Variants in PCSK5 observed in about 807,000 individuals in gnomAD.
PCSK5 encodes prohormone convertase 5.
PCSK5 carries 129 observed loss-of-function variants against 233.2 expected under a neutral mutation model. The ratio of observed to expected loss-of-function variants is 0.55; its 90% CI spans 0.48 to 0.64. The LOEUF (loss-of-function observed/expected upper bound fraction) is 0.64, where lower values mean the gene tolerates loss of function less well. Among genes scored for constraint, PCSK5 ranks in the 30% least tolerant of loss-of-function variants. The pLI, the probability that PCSK5 is intolerant of heterozygous loss-of-function variation, is 0.00. For synonymous variants in PCSK5, 825 were observed against 879.2 expected (o/e 0.94, Z 1.09); for missense variants, 2,076 against 2,430.1 (o/e 0.85, Z 3.06).
chr9:76,225,065 C>T (rs1288689529), intron 20 of PCSK5, among the ~76,000 whole-genome samples: 1 of 152,212 alleles, frequency 6.6e-6, no homozygotes, highest in East Asian at 1.9e-4. Flanking sequence ...CCTACAGGCA[C>T]TGATGTCAAG....
chr9:75,984,235 T>A (rs72733276), intron 2 of PCSK5, among the ~76,000 whole-genome samples: 5,926 of 152,334 alleles, frequency 0.039, 169 homozygotes, highest in Non-Finnish European at 0.055. Flanking sequence ...ATTTGTCTAT[T>A]TGAATGTATG....
At chr9:75,984,639 A>G (rs1237214279) in intron 2 of PCSK5, among the ~76,000 whole-genome samples, 1 of 152,196 alleles carries the variant, frequency 6.6e-6, no homozygotes, top group Non-Finnish European at 1.5e-5. Context: ...ATGGAGGTAA[A>G]GATATTTTTA....
intron 3 of PCSK5, among the ~76,000 whole-genome samples, chr9:75,990,853 T>C (rs1367899379): frequency 6.6e-6 from 1 of 152,170 alleles, no homozygotes; most frequent in Non-Finnish European, 1.5e-5. Context: ...TTCCTTTAGT[T>C]TTTGATGTGG....
chr9:75,999,404 C>G (rs1351042372), intron 3 of PCSK5, among the ~76,000 whole-genome samples: 1 of 152,104 alleles, frequency 6.6e-6, no homozygotes, highest in Non-Finnish European at 1.5e-5. Flanking sequence ...GAGCTGAGCC[C>G]CGAACAGAGA....
chr9:76,330,007 G>A (rs540834313), intron 33 of PCSK5, among the ~76,000 whole-genome samples: 9 of 151,954 alleles, frequency 5.9e-5, no homozygotes, highest in Admixed American at 3.9e-4. Context: ...GCCTTTCCTC[G>A]GTGATATTAA....
intron 3 of PCSK5, among the ~76,000 whole-genome samples, chr9:75,990,240 G>A (rs535393459): frequency 1.3e-5 from 2 of 152,264 alleles, no homozygotes; most frequent in South Asian, 4.1e-4. Flanking sequence ...CCTCCAGCTC[G>A]TTAGCCTGGG....
intron 20 of PCSK5, among the ~76,000 whole-genome samples, chr9:76,226,741 T>C (rs1390894292): frequency 1.3e-5 from 2 of 152,112 alleles, no homozygotes; most frequent in African/African-American, 2.4e-5. Context: ...ATGAGTGCAA[T>C]GAGGGTTGGA....
At chr9:75,926,058 C>G (rs150150523) in intron 1 of PCSK5, among the ~76,000 whole-genome samples, 1 of 152,186 alleles carries the variant, frequency 6.6e-6, no homozygotes, top group Non-Finnish European at 1.5e-5. Flanking sequence ...CAGGTAGGAA[C>G]AAGTGTGAGC....
chr9:76,080,776 C>T (rs1161793840), intron 7 of PCSK5, among the ~76,000 whole-genome samples: 1 of 152,088 alleles, frequency 6.6e-6, no homozygotes, highest in Admixed American at 6.5e-5. Flanking sequence ...ATGATTAATT[C>T]CTGTAAAATA....
chr9:76,352,681 CTTGA>C (rs906743783), intron 36 of PCSK5, among the ~76,000 whole-genome samples: 20 of 152,144 alleles, frequency 1.3e-4, no homozygotes, highest in African/African-American at 4.1e-4. Context: ...CCACAAATTT[CTTGA>C]TTATGTTTTC....
At chr9:75,982,699 G>T (rs1826331252) in intron 2 of PCSK5, among the ~76,000 whole-genome samples, 1 of 147,612 alleles carries the variant, frequency 6.8e-6, no homozygotes, top group African/African-American at 2.5e-5. Context: ...TTTTGTTATG[G>T]TAAGAGCTAT....
intron 12 of PCSK5, among the ~76,000 whole-genome samples, chr9:76,164,081 A>G (rs1822988528): frequency 6.6e-6 from 1 of 152,252 alleles, no homozygotes; most frequent in South Asian, 2.1e-4. Context: ...CTATAATTAA[A>G]TATATTTTAA....
chr9:76,189,681 C>G lies in PCSK5; in HGVS notation c.2561C>G (p.Thr854Arg). ...TCNGPGFKNCTSCPSGYLLDL... is the reference protein window; with the variant it reads ...TCNGPGFKNCRSCPSGYLLDL... ...AATGGCCCAGGATTCAAGAACTGTA[C>G]AAGCTGCCCTAGTGGGTATCTCTTA... The change falls in exon 20 of 38, where the codon ACA (threonine) becomes AGA (arginine). Residue 854 changes from threonine to arginine, a missense_variant. Thr to Arg is a moderately conservative substitution (Grantham distance 71). Coordinates refer to ENST00000674117, the MANE Select transcript of PCSK5 (RefSeq NM_001372043.1). 1 of 1,613,290 alleles carries G rather than the reference C, an allele frequency of 6.2e-7. No individual in the cohort carries two copies. Among genetic ancestry groups the G allele is most frequent in the Non-Finnish European group, 8.5e-7 (1 of 1,179,304 alleles).
chr9:76,106,592 C>T (rs1831988152), intron 8 of PCSK5, among the ~76,000 whole-genome samples: 1 of 152,180 alleles, frequency 6.6e-6, no homozygotes, highest in East Asian at 1.9e-4. Flanking sequence ...AATATACAAG[C>T]TTACACTTAG....
intron 24 of PCSK5, among the ~76,000 whole-genome samples, chr9:76,248,936 T>C (rs564702992): frequency 2.6e-5 from 4 of 152,314 alleles, no homozygotes; most frequent in African/African-American, 9.6e-5. Flanking sequence ...TGGACTAATT[T>C]ATTTTTTGTA....
intron 21 of PCSK5, among the ~76,000 whole-genome samples, chr9:76,232,092 T>C (rs1363143328): frequency 6.6e-6 from 1 of 152,126 alleles, no homozygotes; most frequent in African/African-American, 2.4e-5. Context: ...CTTCCAAACC[T>C]GGGATTGAAA....
In PCSK5 at chr9:76,134,229, T is replaced by C; in HGVS notation, c.1312+17T>C. On this transcript the variant is annotated intron_variant, in intron 10 of 37. Coordinates refer to ENST00000674117, the MANE Select transcript of PCSK5 (RefSeq NM_001372043.1). Reference sequence around the variant, plus strand: ...GTTTTAAGGGTGAGAACTTCTTTCATATTCTGTCACAGGCAAAATATTTTT... The same window carrying C: ...GTTTTAAGGGTGAGAACTTCTTTCACATTCTGTCACAGGCAAAATATTTTT... 1.4e-6 allele frequency: 2 copies of C among 1,458,180 alleles called. No individual in the cohort carries two copies. Among genetic ancestry groups the C allele is most frequent in the Non-Finnish European group, 1.9e-6 (2 of 1,053,262 alleles). The allele number at this position is 1,458,180 out of a possible 1,614,324, so 90.3% of individuals were successfully genotyped here.
At chr9:76,105,869 T>G (rs760290543) in intron 8 of PCSK5, among the ~76,000 whole-genome samples, 3 of 152,250 alleles carry the variant, frequency 2.0e-5, no homozygotes, top group Non-Finnish European at 2.9e-5. Flanking sequence ...TAGTAAGAAC[T>G]TATGGTCTCA....
At chr9:76,084,161 C>T (rs1033614518) in intron 7 of PCSK5, among the ~76,000 whole-genome samples, 13 of 152,182 alleles carry the variant, frequency 8.5e-5, no homozygotes, top group South Asian at 8.3e-4. Flanking sequence ...CTTGGTTTGC[C>T]GAGTGTACCC....
Sources: gnomAD v4.1 joint callset for allele counts (sites outside exome capture counted in the v4.1 genomes callset) on GRCh38, gnomAD v4.1.1 for gene constraint, MANE v1.5 for transcripts, NCBI Gene and HGNC (gene_info 2026-07-23, HGNC 2026-07-21) for gene names.